The following TNC variants were observed in gnomAD, a reference collection of about 807,000 sequenced individuals.
The protein encoded by TNC is tenascin.
In TNC, 109 loss-of-function variants were observed where a neutral mutation model predicts 202.4. The observed-to-expected ratio is 0.54, with a 90% CI of 0.46 to 0.63. The LOEUF (loss-of-function observed/expected upper bound fraction) is 0.63. Among genes scored for constraint, TNC ranks in the 30% least tolerant of loss-of-function variants. The pLI, the probability that TNC is intolerant of heterozygous loss-of-function variation, is 0.00. For synonymous variants in TNC, 1,007 were observed against 1,089.7 expected (o/e 0.92, Z 1.50); for missense variants, 2,756 against 2,833.3 (o/e 0.97, Z 0.62).
In TNC at chr9:115,026,708, G is replaced by C. The variant is rs933718719; in HGVS notation, c.6170-13C>G. On this transcript the variant is annotated splice_polypyrimidine_tract_variant and intron_variant, in intron 25 of 27. Coordinates refer to ENST00000350763, the MANE Select transcript of TNC (RefSeq NM_002160.4). ...AGGTTGTCCAGCCCTGTGGATGACA[G>C]GCAAGGGTTGCTAAGAAGCACAGGT... 1 of 1,612,942 alleles carries C rather than the reference G, an allele frequency of 6.2e-7. No homozygotes were observed. The highest frequency in any genetic ancestry group is 8.5e-7 in the Non-Finnish European group (1 of 1,179,560).
At chr9:115,021,940 G>C (rs754359412) in intron 27 of TNC, among the ~76,000 whole-genome samples, 1 of 152,180 alleles carries the variant, frequency 6.6e-6, no homozygotes, top group Non-Finnish European at 1.5e-5. Flanking sequence ...GCACGTCGTA[G>C]GTGCTTGGTA....
chr9:115,089,478 A>ATC lies in TNC; in HGVS notation c.457+1082_457+1083dup, dbSNP rs34987920. 7.2e-3 allele frequency among the ~76,000 whole-genome samples: 1,075 copies of ATC among 148,598 alleles called. 14 individuals are homozygous for ATC. Among genetic ancestry groups the ATC allele is most frequent in the East Asian group, 0.045 (227 of 5,024 alleles). Reference sequence around the variant, plus strand: ...ACACACAGGCACATGCAAAATCCCTATCTCTCTCTCTCTCTCTCTCTCTCT... The same window carrying ATC: ...ACACACAGGCACATGCAAAATCCCTATCTCTCTCTCTCTCTCTCTCTCTCTCT... On this transcript the variant is annotated intron_variant, in intron 2 of 27. Coordinates refer to ENST00000350763, the MANE Select transcript of TNC (RefSeq NM_002160.4).
At position 115,073,889 on chromosome 9, in the gene TNC, A is replaced by G. The variant is rs1035378667; in HGVS notation, c.2951-23T>C. On this transcript the variant is annotated intron_variant, in intron 9 of 27. Coordinates refer to ENST00000350763, the MANE Select transcript of TNC (RefSeq NM_002160.4). The stretch of plus-strand genomic sequence containing the variant: ...ACTCTGGGAGGAGAACAGAGAGATG[A>G]ATGCTCTTCAGGCTGCAAGACAGGG... 1.9e-6 allele frequency: 3 copies of G among 1,600,570 alleles called. No individual in the cohort carries two copies. In the African/African-American group the frequency reaches 4.0e-5, roughly 21 times the overall value.
At chr9:115,113,818 G>A (rs558682918) in intron 1 of TNC, among the ~76,000 whole-genome samples, 1 of 152,166 alleles carries the variant, frequency 6.6e-6, no homozygotes, top group Non-Finnish European at 1.5e-5. Context: ...ATCTGCTTTT[G>A]ACTTGGGCAT....
chr9:115,035,670 G>A (rs1334921031), intron 21 of TNC: 1 of 267,546 alleles, frequency 3.7e-6, no homozygotes, highest in Non-Finnish European at 7.1e-6. Flanking sequence ...CTGACAGAGA[G>A]GATGGTTCCT....
chr9:115,055,240 CA>C (rs910892215), intron 15 of TNC, among the ~76,000 whole-genome samples: 12 of 152,226 alleles, frequency 7.9e-5, no homozygotes, highest in Admixed American at 7.9e-4. Context: ...TTTATACAAA[CA>C]AACAGAACAA....
intron 17 of TNC, among the ~76,000 whole-genome samples, chr9:115,045,574 G>A (rs1199059216): frequency 2.1e-5 from 3 of 145,402 alleles, no homozygotes; most frequent in East Asian, 4.0e-4. Context: ...CACAGGTAGG[G>A]TCTTACTATG....
chr9:115,020,383 C>G lies in TNC; in HGVS notation c.*774G>C. On this transcript the variant is annotated 3_prime_UTR_variant, in exon 28 of 28. Coordinates refer to ENST00000350763, the MANE Select transcript of TNC (RefSeq NM_002160.4). ...TGTTCAACTTTATTTAAAAAAAGTG[C>G]TTCCCTCTCTCCCAGTCTTTAGTCT... 6.3e-6 allele frequency: 1 copy of G among 157,934 alleles called. No homozygotes were observed. Among genetic ancestry groups the G allele is most frequent in the Non-Finnish European group, 1.4e-5 (1 of 72,240 alleles). 9.8% of individuals were successfully genotyped at this position (157,934 alleles called of 1,614,324 possible).
intron 19 of TNC, 38 bp from the exon 20 acceptor site, chr9:115,038,418 G>C (rs1564421284): frequency 1.2e-6 from 2 of 1,609,326 alleles, no homozygotes; most frequent in East Asian, 2.2e-5. Context: ...GAAGTCATTG[G>C]GTGGGACATC....
At chr9:115,113,678 A>G (rs1198945541) in intron 1 of TNC, among the ~76,000 whole-genome samples, 3 of 152,244 alleles carry the variant, frequency 2.0e-5, no homozygotes, top group African/African-American at 7.2e-5. Context: ...TACCATGGCT[A>G]TATCATGAAG....
At position 115,038,261 on chromosome 9, in the gene TNC, C is replaced by G; in HGVS notation, c.5512G>C (p.Val1838Leu). 1 of 1,613,530 alleles carries G rather than the reference C, an allele frequency of 6.2e-7. No homozygotes were observed. Among genetic ancestry groups the G allele is most frequent in the Non-Finnish European group, 8.5e-7 (1 of 1,179,562 alleles). Residue 1838 changes from valine (V) to leucine (L), a missense_variant and splice_region_variant, in exon 20 of 28, where the codon GTG (valine) becomes CTG (leucine). Transcript: ENST00000350763. ...AGGAGAGACTTGGACAAAACCTTAC[C>G]TTTCTCGCCTGTGTAGGAGATGACA... is the stretch of plus-strand genomic sequence containing the variant. ...SYVISYTGEKVPEITRTVSGN... is the reference protein window; with the variant it reads ...SYVISYTGEKLPEITRTVSGN...
rs1835158044 is a variant in TNC at position 115,090,742 on chromosome 9, C to T, written c.277G>A (p.Asp93Asn). Reference sequence around the variant, plus strand: ...GTGAAGACAATCTGGTTTTCCCCATCCACTGTGTGCTCCTGAAAGCTTTCG... The same window carrying T: ...GTGAAGACAATCTGGTTTTCCCCATTCACTGTGTGCTCCTGAAAGCTTTCG... ...PSESFQEHTVDGENQIVFTHR... is the reference protein window; with the variant it reads ...PSESFQEHTVNGENQIVFTHR... Residue 93 changes from aspartate to asparagine, a missense_variant, in exon 2 of 28, where the codon GAT (aspartate) becomes AAT (asparagine). Asp to Asn is a conservative substitution (Grantham distance 23, BLOSUM62 1). Around this residue, in one of 2 missense-constraint regions of TNC, gnomAD observed 2,559 missense variants for 2,546.0 expected, o/e 1.01. Transcript: ENST00000350763. 2 of 1,614,216 alleles carry T rather than the reference C, an allele frequency of 1.2e-6. No individual in the cohort carries two copies. Among genetic ancestry groups the T allele is most frequent in the Non-Finnish European group, 1.7e-6 (2 of 1,180,028 alleles).
chr9:115,032,930 T>C (rs997940181), intron 22 of TNC, among the ~76,000 whole-genome samples: 1 of 152,152 alleles, frequency 6.6e-6, no homozygotes, highest in African/African-American at 2.4e-5. Flanking sequence ...GTGTCTGGGA[T>C]TGGAATTCAA....
chr9:115,037,649 T>A (rs1284820053), intron 20 of TNC, among the ~76,000 whole-genome samples: 2 of 152,208 alleles, frequency 1.3e-5, no homozygotes, highest in African/African-American at 2.4e-5. Context: ...TGCCTCAGCC[T>A]GCCGAGTAGC....
chr9:115,067,446 C>A (rs534429133), intron 10 of TNC, among the ~76,000 whole-genome samples: 7 of 152,130 alleles, frequency 4.6e-5, no homozygotes, highest in Non-Finnish European at 1.0e-4. Flanking sequence ...GGGTGTCTAT[C>A]TTTTAATCCT....
At chr9:115,101,595 C>T (rs1564147604) in intron 1 of TNC, among the ~76,000 whole-genome samples, 1 of 152,192 alleles carries the variant, frequency 6.6e-6, no homozygotes, top group Non-Finnish European at 1.5e-5. Flanking sequence ...ACATGGTGCA[C>T]TCTCCCAAGC....
intron 24 of TNC, 84 bp from the exon 25 acceptor site, chr9:115,029,540 G>C: frequency 7.5e-7 from 1 of 1,333,898 alleles, no homozygotes; most frequent in Non-Finnish European, 1.1e-6. Flanking sequence ...GTGTGGCACT[G>C]TGGAGAGAGC....
chr9:115,029,503 AAG>A (rs1829792543), intron 24 of TNC, 47 bp from the exon 25 acceptor site: 2 of 1,568,704 alleles, frequency 1.3e-6, no homozygotes, highest in Non-Finnish European at 8.8e-7. Flanking sequence ...TATTGCAGGA[AAG>A]AGGGCATCGT....
chr9:115,076,955 T>C (rs1420111254), intron 7 of TNC, among the ~76,000 whole-genome samples: 1 of 152,220 alleles, frequency 6.6e-6, no homozygotes, highest in African/African-American at 2.4e-5. Flanking sequence ...TGGAGTGTGT[T>C]GGTGCGATCT....
Sources: allele counts gnomAD v4.1 joint callset (sites outside exome capture counted in the v4.1 genomes callset), GRCh38; gene constraint gnomAD v4.1.1; regional missense constraint gnomAD v4.1.1; transcripts MANE v1.5; gene names NCBI Gene and HGNC (gene_info 2026-07-23, HGNC 2026-07-21).